RASSF9: variants seen among roughly 807,000 people sequenced by gnomAD.
The protein encoded by RASSF9 is ras association domain-containing protein 9.
Under a neutral mutation model 21.4 loss-of-function variants are expected in RASSF9, and 18 were observed. That is an observed-to-expected ratio of 0.84 (90% CI 0.58 to 1.25). RASSF9 has a LOEUF of 1.25. Among genes scored for constraint, RASSF9 ranks in the 50% most tolerant of loss-of-function variants. The probability of loss-of-function intolerance (pLI) is 0.00; values close to 1 mark genes in which losing one functional copy is unlikely to be tolerated. For synonymous variants in RASSF9, 183 were observed against 179.1 expected (o/e 1.02, Z -0.18); for missense variants, 480 against 503.2 (o/e 0.95, Z 0.44).
intron 1 of RASSF9, among the ~76,000 whole-genome samples, chr12:85,816,919 A>T (rs1302086046): frequency 6.6e-6 from 1 of 152,202 alleles, no homozygotes; most frequent in Non-Finnish European, 1.5e-5. Context: ...CATTCATATT[A>T]AAAACATGCC....
chr12:85,805,969 G>GA lies in RASSF9; in HGVS notation c.48-8dup, dbSNP rs375329421. On this transcript the variant is annotated splice_polypyrimidine_tract_variant and splice_region_variant and intron_variant, in intron 1 of 1. Coordinates refer to ENST00000361228, the MANE Select transcript of RASSF9 (RefSeq NM_005447.4). ...CATGTCTTTAGTTGGAGATCTGAAA[G>GA]AAAAACAAAAGCACATTATATTTCT... 4.6e-4 allele frequency: 741 copies of GA among 1,596,058 alleles called. 3 individuals are homozygous for GA. In the African/African-American group the frequency reaches 8.7e-3, roughly 19 times the overall value.
At chr12:85,816,787 T>C (rs1419808082) in intron 1 of RASSF9, among the ~76,000 whole-genome samples, 1 of 152,128 alleles carries the variant, frequency 6.6e-6, no homozygotes, top group Non-Finnish European at 1.5e-5. Flanking sequence ...ATGAAAAATA[T>C]AAATGACTAA....
Position 85,803,063 on chromosome 12 carries a change from T to C in RASSF9, c.*1639A>G, listed in dbSNP as rs1275218112. ...ACTGAAACAATCAGAAAATTCTAAA[T>C]GTCTTCCCAAAGATGAGTTAAAAGA... On this transcript the variant is annotated 3_prime_UTR_variant, in exon 2 of 2. Transcript: ENST00000361228. The C allele has an allele frequency of 6.6e-6, 1 of 152,134 alleles. No individual in the cohort carries two copies. The highest frequency in any genetic ancestry group is 1.5e-5 in the Non-Finnish European group (1 of 67,992). 9.4% of individuals were successfully genotyped at this position (152,134 alleles called of 1,614,324 possible).
At chr12:85,807,960 T>G (rs1315451529) in intron 1 of RASSF9, among the ~76,000 whole-genome samples, 2 of 152,124 alleles carry the variant, frequency 1.3e-5, no homozygotes, top group African/African-American at 2.4e-5. Context: ...GTATAACAGT[T>G]TTGAGTAGTA....
chr12:85,821,093 A>G (rs1880199336), intron 1 of RASSF9, among the ~76,000 whole-genome samples: 2 of 152,112 alleles, frequency 1.3e-5, no homozygotes, highest in African/African-American at 2.4e-5. Context: ...GCAGTGAGCC[A>G]AGATGGCGCC....
chr12:85,833,760 A>C (rs550946857), intron 1 of RASSF9, among the ~76,000 whole-genome samples: 1 of 152,148 alleles, frequency 6.6e-6, no homozygotes, highest in Non-Finnish European at 1.5e-5. Context: ...ATATATCATA[A>C]GGCATATAAA....
chr12:85,831,090 C>T (rs902337780), intron 1 of RASSF9, among the ~76,000 whole-genome samples: 9 of 151,974 alleles, frequency 5.9e-5, no homozygotes, highest in African/African-American at 1.9e-4. Flanking sequence ...CAAAGAGATT[C>T]CTTGTCAAGG....
At chr12:85,808,564 C>A (rs1185254303) in intron 1 of RASSF9, among the ~76,000 whole-genome samples, 2 of 151,982 alleles carry the variant, frequency 1.3e-5, no homozygotes, top group African/African-American at 4.8e-5. Context: ...ACTGTCTAAA[C>A]AAAAACAAGT....
intron 1 of RASSF9, among the ~76,000 whole-genome samples, chr12:85,809,168 A>C (rs1565752239): frequency 6.6e-6 from 1 of 152,152 alleles, no homozygotes; most frequent in Non-Finnish European, 1.5e-5. Context: ...ATGAAGGTTC[A>C]AACATAAGCA....
intron 1 of RASSF9, among the ~76,000 whole-genome samples, chr12:85,808,959 T>A (rs565991956): frequency 1.3e-5 from 2 of 152,262 alleles, no homozygotes; most frequent in African/African-American, 4.8e-5. Flanking sequence ...TCAAAATAAA[T>A]AGCATTAAAG....
chr12:85,823,522 C>A (rs1334428859), intron 1 of RASSF9, among the ~76,000 whole-genome samples: 1 of 152,214 alleles, frequency 6.6e-6, no homozygotes, highest in African/African-American at 2.4e-5. Context: ...AGCATGGCCA[C>A]AAACACTTGA....
rs114907452 is a variant in RASSF9 at position 85,817,537 on chromosome 12, C to T, written c.48-11575G>A. Among the ~76,000 whole-genome samples, 1,150 of 151,952 alleles carry T rather than the reference C, an allele frequency of 7.6e-3. 17 individuals are homozygous for T. The highest frequency in any genetic ancestry group is 0.026 in the African/African-American group (1,086 of 41,482). On this transcript the variant is annotated intron_variant, in intron 1 of 1. Coordinates refer to ENST00000361228, the MANE Select transcript of RASSF9 (RefSeq NM_005447.4). ...GGGTAAGAATAAATGCTTAAATGTA[C>T]AATTTTTAATAAAAATTTTTATATA...
chr12:85,833,098 G>GA (rs146307047), intron 1 of RASSF9, among the ~76,000 whole-genome samples: 14 of 151,098 alleles, frequency 9.3e-5, no homozygotes, highest in Non-Finnish European at 1.8e-4. Context: ...TTTAAATTTA[G>GA]AAAAAAAATT....
chr12:85,827,368 A>C (rs567415081), intron 1 of RASSF9, among the ~76,000 whole-genome samples: 9 of 152,280 alleles, frequency 5.9e-5, no homozygotes, highest in African/African-American at 2.2e-4. Context: ...TACACTAGTC[A>C]TCATATTTTG....
At position 85,836,349 on chromosome 12, in the gene RASSF9, G is replaced by T. The variant is rs977619086; in HGVS notation, c.-148C>A. On this transcript the variant is annotated 5_prime_UTR_variant, in exon 1 of 2. Transcript: ENST00000361228. ...CTGGCTTTCAGCTCATTAGTAGCCG[G>T]CTGAGAAAGTTGCTGGAAGTTGTGC... The T allele has an allele frequency of 8.1e-6, 12 of 1,473,390 alleles. No individual in the cohort carries two copies. The highest frequency in any genetic ancestry group is 2.2e-5 in the Admixed American group (1 of 44,510). 91.3% of individuals were successfully genotyped at this position (1,473,390 alleles called of 1,614,324 possible). A position where few individuals can be genotyped will look rare whatever the true frequency, so the allele number is the denominator to read the frequency against.
chr12:85,814,385 T>C (rs1328526633), intron 1 of RASSF9, among the ~76,000 whole-genome samples: 1 of 151,974 alleles, frequency 6.6e-6, no homozygotes, highest in African/African-American at 2.4e-5. Flanking sequence ...GCCAGGAAGA[T>C]AAATATCCTA....
intron 1 of RASSF9, among the ~76,000 whole-genome samples, chr12:85,810,145 G>C (rs1879920950): frequency 6.6e-6 from 1 of 151,930 alleles, no homozygotes; most frequent in Admixed American, 6.6e-5. Context: ...ACCAAGCCTA[G>C]AGTCTCCTTT....
intron 1 of RASSF9, among the ~76,000 whole-genome samples, chr12:85,834,419 T>C (rs1180479468): frequency 1.3e-5 from 2 of 152,126 alleles, no homozygotes; most frequent in Non-Finnish European, 2.9e-5. Flanking sequence ...AAAAAATGTT[T>C]GCATACTCAC....
chr12:85,815,981 T>C (rs1052640987), intron 1 of RASSF9, among the ~76,000 whole-genome samples: 2 of 152,036 alleles, frequency 1.3e-5, no homozygotes, highest in African/African-American at 2.4e-5. Flanking sequence ...TATGCAGCTA[T>C]AAAAGAATGA....
Sources: gnomAD v4.1 joint callset for allele counts (sites outside exome capture counted in the v4.1 genomes callset) on GRCh38, gnomAD v4.1.1 for gene constraint, MANE v1.5 for transcripts, NCBI Gene and HGNC (gene_info 2026-07-23, HGNC 2026-07-21) for gene names.